Variants in DOCK10 observed in about 807,000 individuals in gnomAD.
The protein encoded by DOCK10 is dedicator of cytokinesis protein 10.
In DOCK10, 145 loss-of-function variants were observed where a neutral mutation model predicts 280.1. The observed-to-expected ratio is 0.52, with a 90% CI of 0.45 to 0.59. The LOEUF (loss-of-function observed/expected upper bound fraction) is 0.59, where lower values mean the gene tolerates loss of function less well. DOCK10 is among the 20% of genes least tolerant of loss of function. DOCK10 has a pLI of 0.00. For missense variants in DOCK10, 2,368 were observed against 2,651.7 expected (o/e 0.89, Z 2.35); for synonymous variants, 915 against 942.2 (o/e 0.97, Z 0.53).
At chr2:224,769,038 C>T in intron 55 of DOCK10, 1 of 412,176 alleles carries the variant, frequency 2.4e-6, no homozygotes, top group Admixed American at 3.1e-5. Flanking sequence ...TCACCACCTT[C>T]CCGAACTTTC....
At position 224,921,092 on chromosome 2, in the gene DOCK10, TAAAAAA is replaced by T. The variant is rs781152272; in HGVS notation, c.244-4314_244-4309del. Among the ~76,000 whole-genome samples, 100 of 59,464 alleles carry T rather than the reference TAAAAAA, an allele frequency of 1.7e-3. 3 individuals carry two copies. Among genetic ancestry groups the T allele is most frequent in the African/African-American group, 0.011 (86 of 8,046 alleles). 39.0% of individuals were successfully genotyped at this position (59,464 alleles called of 152,430 possible). A position where few individuals can be genotyped will look rare whatever the true frequency, so the allele number is the denominator to read the frequency against. On this transcript the variant is annotated intron_variant, in intron 2 of 55. Transcript: ENST00000258390. The stretch of plus-strand genomic sequence containing the variant: ...CAACATGGGAAAACACCGTCTCTAT[TAAAAAA>T]AAAAAAAAAAAAAAATATATATATA...
In DOCK10 at chr2:225,014,086, TTTTTTTTTTTTG is replaced by T. The variant is rs1453562270; in HGVS notation, c.123+28154_123+28165del. Reference sequence around the variant, plus strand: ...ATCCCCAGAAGTCTGAATATATTGTTTTTTTTTTTTTGTTTTTTTTTTTAAGAAATACAGGTT... The same window carrying T: ...ATCCCCAGAAGTCTGAATATATTGTTTTTTTTTTTTTAAGAAATACAGGTT... On this transcript the variant is annotated intron_variant, in intron 1 of 55. Coordinates refer to ENST00000258390, the MANE Select transcript of DOCK10 (RefSeq NM_014689.3). Among the ~76,000 whole-genome samples, 33 of 102,596 alleles carry T rather than the reference TTTTTTTTTTTTG, an allele frequency of 3.2e-4. 3 individuals are homozygous for T. The highest frequency in any genetic ancestry group is 2.3e-3 in the South Asian group (8 of 3,500). The allele number at this position is 102,596 out of a possible 152,430, so 67.3% of individuals were successfully genotyped here.
At position 224,864,745 on chromosome 2, in the gene DOCK10, T is replaced by C. The variant is rs1697763833; in HGVS notation, c.1480-70A>G. 1.9e-6 allele frequency: 3 copies of C among 1,575,968 alleles called. No homozygotes were observed. In the South Asian group the frequency reaches 3.6e-5, roughly 19 times the overall value. ...TGTAGACATTTACAAAATTCCATTT[T>C]TTTAAAAAAGGACAGCTTTAAGGGA... is the stretch of plus-strand genomic sequence containing the variant. On this transcript the variant is annotated intron_variant, in intron 12 of 55. Coordinates refer to ENST00000258390, the MANE Select transcript of DOCK10 (RefSeq NM_014689.3).
At chr2:224,992,874 A>G (rs1706166242) in intron 1 of DOCK10, among the ~76,000 whole-genome samples, 1 of 152,236 alleles carries the variant, frequency 6.6e-6, no homozygotes, top group Non-Finnish European at 1.5e-5. Flanking sequence ...AGCTTTATCT[A>G]ACAAAAAGAT....
At position 224,794,975 on chromosome 2, in the gene DOCK10, G is replaced by A. The variant is rs758734647; in HGVS notation, c.5058C>T (p.Tyr1686=). The change falls in exon 45 of 56, where the codon TAC becomes TAT. Residue 1686 remains tyrosine, a synonymous_variant. Coordinates refer to ENST00000258390, the MANE Select transcript of DOCK10 (RefSeq NM_014689.3). ...TGCTTGCGTAGGAGTTTGCCAGGCT[G>A]TACTGGAGATCCACCAGCATCTCGG... ...KDPEMLVDLQ[Y]SLANSYASTP... The A allele has an allele frequency of 6.2e-6, 10 of 1,613,806 alleles. No homozygotes were observed. The Admixed American group carries it at 1.7e-4, about 27-fold the overall frequency.
chr2:224,943,346 T>C lies in DOCK10; in HGVS notation c.124-11678A>G, dbSNP rs552743585. Among the ~76,000 whole-genome samples the C allele has an allele frequency of 3.3e-3, 467 of 141,784 alleles. 3 individuals are homozygous for C. The highest frequency in any genetic ancestry group is 0.013 in the South Asian group (61 of 4,532). The allele number at this position is 141,784 out of a possible 152,430, so 93.0% of individuals were successfully genotyped here. ...AAAATATACAGCTTCAAATAGCATT[T>C]GAAAAAAACCCAGAATATACAGACT... is the stretch of plus-strand genomic sequence containing the variant. On this transcript the variant is annotated intron_variant, in intron 1 of 55. Coordinates refer to ENST00000258390, the MANE Select transcript of DOCK10 (RefSeq NM_014689.3).
At chr2:224,928,872 T>C (rs1702174810) in intron 2 of DOCK10, among the ~76,000 whole-genome samples, 1 of 152,222 alleles carries the variant, frequency 6.6e-6, no homozygotes, top group African/African-American at 2.4e-5. Context: ...TCATTTGTTT[T>C]CCTTCTTGAA....
At chr2:224,988,082 C>T (rs1023462274) in intron 1 of DOCK10, among the ~76,000 whole-genome samples, 3 of 152,296 alleles carry the variant, frequency 2.0e-5, no homozygotes, top group African/African-American at 7.2e-5. Flanking sequence ...AAGCGTGATG[C>T]TGCCTCTGCT....
At chr2:225,018,028 G>C (rs1168795900) in intron 1 of DOCK10, among the ~76,000 whole-genome samples, 1 of 152,090 alleles carries the variant, frequency 6.6e-6, no homozygotes, top group African/African-American at 2.4e-5. Context: ...TGGCAGAACG[G>C]CCCCCTAGGT....
In DOCK10 at chr2:224,837,828, A is replaced by C. The variant is rs1695690375; in HGVS notation, c.2784T>G (p.Val928=). ...EDEITTTVTR[V]LTDIVAKCHE... ...GGCACTTGGCCACAATGTCGGTCAGAACCCTGCAAAAGCAAAGCTGTTCAG... is the reference window on the plus strand; with the variant it reads ...GGCACTTGGCCACAATGTCGGTCAGCACCCTGCAAAAGCAAAGCTGTTCAG... Residue 928 remains valine, a synonymous_variant, in exon 25 of 56, where the codon GTT becomes GTG. Coordinates refer to ENST00000258390, the MANE Select transcript of DOCK10 (RefSeq NM_014689.3). The C allele has an allele frequency of 6.2e-7, 1 of 1,613,878 alleles. No individual in the cohort carries two copies.
At chr2:224,856,710 G>T in intron 15 of DOCK10, 150 bp downstream of exon 15, 1 of 601,052 alleles carries the variant, frequency 1.7e-6, no homozygotes, top group Non-Finnish European at 2.7e-6. Context: ...TACTTTTGTG[G>T]TGCTATTTGG....
At chr2:224,796,728 C>T (rs1692605404) in intron 43 of DOCK10, among the ~76,000 whole-genome samples, 1 of 152,056 alleles carries the variant, frequency 6.6e-6, no homozygotes, top group African/African-American at 2.4e-5. Context: ...TTGTTTACTC[C>T]ATATGATTCT....
At chr2:224,992,871 T>C (rs1038999468) in intron 1 of DOCK10, among the ~76,000 whole-genome samples, 2 of 152,244 alleles carry the variant, frequency 1.3e-5, no homozygotes, top group Admixed American at 6.5e-5. Flanking sequence ...TATAGCTTTA[T>C]CTAACAAAAA....
intron 1 of DOCK10, among the ~76,000 whole-genome samples, chr2:224,995,196 G>A (rs1706237837): frequency 6.6e-6 from 1 of 152,192 alleles, no homozygotes; most frequent in Non-Finnish European, 1.5e-5. Context: ...AGTTACTGGA[G>A]TTTGAAGTTT....
At chr2:224,844,920 T>G (rs925340808) in intron 21 of DOCK10, 81 bp from the exon 22 acceptor site, 1 of 1,030,696 alleles carries the variant, frequency 9.7e-7, no homozygotes. Flanking sequence ...TATGTTAATG[T>G]GCTGTTCTGA....
At chr2:224,821,292 A>G (rs1406818025) in intron 28 of DOCK10, among the ~76,000 whole-genome samples, 1 of 152,212 alleles carries the variant, frequency 6.6e-6, no homozygotes, top group Non-Finnish European at 1.5e-5. Context: ...TTAAATTCCA[A>G]TGTTGACTAA....
At chr2:224,941,531 G>A (rs997159447) in intron 1 of DOCK10, among the ~76,000 whole-genome samples, 19 of 152,084 alleles carry the variant, frequency 1.2e-4, no homozygotes, top group Admixed American at 9.8e-4. Context: ...AAGTGGTAGC[G>A]AAAGAGGACC....
intron 25 of DOCK10, among the ~76,000 whole-genome samples, chr2:224,837,489 G>C (rs1316218780): frequency 3.3e-5 from 5 of 152,180 alleles, no homozygotes; most frequent in Admixed American, 1.3e-4. Flanking sequence ...CAAAAGGACA[G>C]CACTTTAGTT....
rs773968443 is a variant in DOCK10, at chr2:224,830,601, G to A, written c.2976C>T (p.Phe992=). Residue 992 remains phenylalanine (F), a synonymous_variant, in exon 27 of 56, where the codon TTC becomes TTT. Coordinates refer to ENST00000258390, the MANE Select transcript of DOCK10 (RefSeq NM_014689.3). ...TVKHVLKHSW[F]FFAIILKSMA... ...TCGATTTTAGGATAATTGCAAAGAAGAACCAGGAATGCTGTTGGGAAAAAA... is the reference window on the plus strand; with the variant it reads ...TCGATTTTAGGATAATTGCAAAGAAAAACCAGGAATGCTGTTGGGAAAAAA... The A allele has an allele frequency of 1.5e-5, 23 of 1,529,112 alleles. 1 individual carries two copies. The highest frequency in any genetic ancestry group is 3.4e-4 in the Middle Eastern group (2 of 5,800). The allele number at this position is 1,529,112 out of a possible 1,614,324, so 94.7% of individuals were successfully genotyped here. A position where few individuals can be genotyped will look rare whatever the true frequency, so the allele number is the denominator to read the frequency against.
Sources: allele counts gnomAD v4.1 joint callset (sites outside exome capture counted in the v4.1 genomes callset), GRCh38; gene constraint gnomAD v4.1.1; transcripts MANE v1.5; gene names NCBI Gene and HGNC (gene_info 2026-07-23, HGNC 2026-07-21).